Variants in SLC7A9 observed in about 807,000 individuals in gnomAD.
SLC7A9 encodes the protein solute carrier family 7 member 9, also known as B(0,+)-type amino acid transporter 1.
In SLC7A9, 38 loss-of-function variants were observed where a neutral mutation model predicts 54.1. The observed-to-expected ratio is 0.70, with a 90% CI of 0.54 to 0.92. The LOEUF is 0.92. Among genes scored for constraint, SLC7A9 ranks in the 40% least tolerant of loss-of-function variants. The pLI is 0.00. For missense variants in SLC7A9, 537 were observed against 636.1 expected (o/e 0.84, Z 1.68); for synonymous variants, 264 against 258.9 (o/e 1.02, Z -0.19).
Position 32,864,621 on chromosome 19 carries a change from C to G in SLC7A9, c.235+8G>C. The G allele has an allele frequency of 6.2e-7, 1 of 1,612,906 alleles. No individual in the cohort carries two copies. ...CCGGGGCTGCAACAGGCTCCCAAGT[C>G]TCTTTACCCAGCGTCGCGAGGACCC... On this transcript the variant is annotated splice_region_variant and intron_variant, in intron 3 of 12. Coordinates refer to ENST00000023064, the MANE Select transcript of SLC7A9 (RefSeq NM_014270.5).
At chr19:32,837,309 A>G (rs915043095) in intron 11 of SLC7A9, among the ~76,000 whole-genome samples, 7 of 152,126 alleles carry the variant, frequency 4.6e-5, no homozygotes, top group Non-Finnish European at 7.3e-5. Context: ...AGTCTGGCCC[A>G]CATGGCGAAA....
chr19:32,855,113 ACT>A (rs1281841276), intron 9 of SLC7A9, among the ~76,000 whole-genome samples: 2 of 152,164 alleles, frequency 1.3e-5, no homozygotes, highest in Non-Finnish European at 2.9e-5. Context: ...TACTATTCCG[ACT>A]CTAAAGAGAA....
intron 11 of SLC7A9, among the ~76,000 whole-genome samples, chr19:32,837,844 T>C (rs992013603): frequency 1.3e-5 from 2 of 152,246 alleles, no homozygotes; most frequent in Admixed American, 1.3e-4. Context: ...GGGATTCAGA[T>C]ACTGATTTTT....
intron 11 of SLC7A9, among the ~76,000 whole-genome samples, chr19:32,838,831 A>G (rs1203039615): frequency 1.3e-5 from 2 of 149,386 alleles, no homozygotes; most frequent in African/African-American, 4.9e-5. Flanking sequence ...TATATTACAT[A>G]TATTATACAT....
chr19:32,837,492 CAAAAAAAAAAAAAA>C (rs57648590), intron 11 of SLC7A9, among the ~76,000 whole-genome samples: 5 of 54,554 alleles, frequency 9.2e-5, no homozygotes, highest in Middle Eastern at 7.9e-3. Context: ...GATTCCATCT[CAAAAAAAAAAAAAA>C]AAAAAAAAAA....
chr19:32,846,453 G>C (rs181319799), intron 9 of SLC7A9, among the ~76,000 whole-genome samples: 2 of 152,200 alleles, frequency 1.3e-5, no homozygotes, highest in South Asian at 4.1e-4. Context: ...ACTGCAAGGC[G>C]GCAGCGAGGC....
intron 4 of SLC7A9, 75 bp from the exon 5 acceptor site, chr19:32,862,661 A>ATTT (rs1161216387): frequency 1.6e-6 from 2 of 1,283,318 alleles, no homozygotes; most frequent in East Asian, 2.9e-5. Flanking sequence ...TCTTTTATAT[A>ATTT]TTTTTTATTT....
intron 9 of SLC7A9, among the ~76,000 whole-genome samples, chr19:32,856,775 C>T (rs1329622209): frequency 1.3e-5 from 2 of 152,148 alleles, no homozygotes; most frequent in Non-Finnish European, 2.9e-5. Flanking sequence ...CGGAGTCTCA[C>T]CATGTGGCCC....
rs542933527 is a variant in SLC7A9, at chr19:32,833,095, G to T, written c.1399+54C>A. Reference sequence around the variant, plus strand: ...TCTTGGAGTCAGGACAGGTGAGGACGCCGTGCCTGCCTGCACCTCACAGAG... The same window carrying T: ...TCTTGGAGTCAGGACAGGTGAGGACTCCGTGCCTGCCTGCACCTCACAGAG... On this transcript the variant is annotated intron_variant, in intron 12 of 12. Coordinates refer to ENST00000023064, the MANE Select transcript of SLC7A9 (RefSeq NM_014270.5). 7 of 1,542,076 alleles carry T rather than the reference G, an allele frequency of 4.5e-6. No individual in the cohort carries two copies. The Admixed American group carries it at 6.7e-5, about 15-fold the overall frequency.
At chr19:32,846,859 AC>A (rs1968313177) in intron 9 of SLC7A9, among the ~76,000 whole-genome samples, 1 of 152,224 alleles carries the variant, frequency 6.6e-6, no homozygotes, top group Non-Finnish European at 1.5e-5. Flanking sequence ...TTTGCAGGTC[AC>A]CAAAATCCGC....
chr19:32,855,832 A>G (rs1354701929), intron 9 of SLC7A9, among the ~76,000 whole-genome samples: 1 of 152,206 alleles, frequency 6.6e-6, no homozygotes, highest in East Asian at 1.9e-4. Flanking sequence ...GTCTCTTTGC[A>G]GTCAGTTCCT....
At position 32,846,709 on chromosome 19, in the gene SLC7A9, C is replaced by T. The variant is rs1241482747; in HGVS notation, c.978-2758G>A. Among the ~76,000 whole-genome samples the T allele has an allele frequency of 3.3e-5, 5 of 152,252 alleles. No individual in the cohort carries two copies. The South Asian group carries it at 8.3e-4, about 25-fold the overall frequency. On this transcript the variant is annotated intron_variant, in intron 9 of 12. Transcript: ENST00000023064. ...ACACAGCTGGAGATCTGAGAATGGG[C>T]AGACTGCCTCCTCAAATGGGTCCCT...
chr19:32,868,793 T>C, intron 1 of SLC7A9, 148 bp from the exon 2 acceptor site: 1 of 565,416 alleles, frequency 1.8e-6, no homozygotes, highest in Non-Finnish European at 3.2e-6. Flanking sequence ...AAAGCTCAGC[T>C]GCTTGCTTAG....
intron 6 of SLC7A9, among the ~76,000 whole-genome samples, chr19:32,861,113 G>A (rs1194785621): frequency 1.3e-5 from 2 of 152,148 alleles, no homozygotes; most frequent in Admixed American, 1.3e-4. Flanking sequence ...CAGATCACTT[G>A]AAGTCAGGAG....
chr19:32,837,920 A>G (rs1968011553), intron 11 of SLC7A9, among the ~76,000 whole-genome samples: 1 of 152,254 alleles, frequency 6.6e-6, no homozygotes, highest in South Asian at 2.1e-4. Flanking sequence ...TCAGGGTGTT[A>G]AAAGCTAATA....
intron 11 of SLC7A9, among the ~76,000 whole-genome samples, chr19:32,841,294 C>T (rs1268687552): frequency 6.6e-6 from 1 of 152,012 alleles, no homozygotes; most frequent in Non-Finnish European, 1.5e-5. Flanking sequence ...TAAAATTCTA[C>T]TTCATCCTTA....
At chr19:32,868,920 C>T (rs978965432) in intron 1 of SLC7A9, among the ~76,000 whole-genome samples, 4 of 151,932 alleles carry the variant, frequency 2.6e-5, no homozygotes, top group South Asian at 2.1e-4. Flanking sequence ...TATTTAACAA[C>T]ATCCCGGGCT....
intron 7 of SLC7A9, chr19:32,860,331 C>A: frequency 7.3e-7 from 1 of 1,375,038 alleles, no homozygotes; most frequent in Non-Finnish European, 9.5e-7. Flanking sequence ...CCGAGATGGG[C>A]GAATCTCTTG....
chr19:32,856,198 T>G (rs1187072391), intron 9 of SLC7A9, among the ~76,000 whole-genome samples: 2 of 151,264 alleles, frequency 1.3e-5, no homozygotes, highest in Non-Finnish European at 3.0e-5. Flanking sequence ...GCTAGTGGTT[T>G]TTTTTTTTTT....
Sources: gnomAD v4.1 joint callset for allele counts (sites outside exome capture counted in the v4.1 genomes callset) on GRCh38, gnomAD v4.1.1 for gene constraint, MANE v1.5 for transcripts, NCBI Gene and HGNC (gene_info 2026-07-23, HGNC 2026-07-21) for gene names.